CFAP54: variants seen among roughly 807,000 people sequenced by gnomAD.
CFAP54 encodes the protein cilia and flagella associated protein 54.
In CFAP54, 290 loss-of-function variants were observed where a neutral mutation model predicts 370.4. That is an observed-to-expected ratio of 0.78 (90% confidence interval 0.71 to 0.86). The LOEUF is 0.86. Among genes scored for constraint, CFAP54 ranks in the 40% least tolerant of loss-of-function variants. The pLI, the probability that CFAP54 is intolerant of heterozygous loss-of-function variation, is 0.00. For synonymous variants in CFAP54, 1,206 were observed against 1,236.5 expected (o/e 0.98, Z 0.52); for missense variants, 3,399 against 3,528.7 (o/e 0.96, Z 0.93).
At chr12:96,747,894 A>G (rs140068554) in intron 55 of CFAP54, among the ~76,000 whole-genome samples, 1 of 152,248 alleles carries the variant, frequency 6.6e-6, no homozygotes, top group African/African-American at 2.4e-5. Flanking sequence ...CTTACATCTT[A>G]CTTTATCTTT....
At chr12:96,732,385 G>A (rs1008810871) in intron 50 of CFAP54, among the ~76,000 whole-genome samples, 10 of 152,064 alleles carry the variant, frequency 6.6e-5, no homozygotes, top group Admixed American at 3.3e-4. Context: ...ACCCGCCTTG[G>A]CCTCCCAAAG....
At position 96,743,896 on chromosome 12, in the gene CFAP54, A is replaced by C. The variant is rs774605312; in HGVS notation, c.7543A>C (p.Ile2515Leu). Residue 2515 changes from isoleucine to leucine, a missense_variant, in exon 54 of 68, where the codon ATT (isoleucine) becomes CTT (leucine). Physicochemically the swap from Ile to Leu is conservative, Grantham distance 5. This residue lies in a region of CFAP54 where 2,796 missense variants were observed against 2,869.7 expected (regional missense o/e 0.97). Transcript: ENST00000524981. ...AAATTTGTTAACTCGGGCTCATAGC[A>C]TTCTAACTGAACAGGTGAGAATGCT... ...KLNLLTRAHS[I>L]LTEQMLAFGE... 3 of 1,612,614 alleles carry C rather than the reference A, an allele frequency of 1.9e-6. No individual in the cohort carries two copies. In the African/African-American group the frequency reaches 4.0e-5, roughly 22 times the overall value.
chr12:96,660,779 C>T (rs1224399644), intron 38 of CFAP54, among the ~76,000 whole-genome samples: 1 of 152,016 alleles, frequency 6.6e-6, no homozygotes, highest in Non-Finnish European at 1.5e-5. Flanking sequence ...GTTCTGACTT[C>T]CAGTGTTGAT....
In CFAP54 at chr12:96,630,654, A is replaced by G. The variant is rs949636500; in HGVS notation, c.4316+3A>G. The G allele has an allele frequency of 3.4e-6, 5 of 1,450,558 alleles. No homozygotes were observed. In the African/African-American group the frequency reaches 4.3e-5, roughly 13 times the overall value. The allele number at this position is 1,450,558 out of a possible 1,614,324, so 89.9% of individuals were successfully genotyped here. On this transcript the variant is annotated splice_donor_region_variant and intron_variant, in intron 32 of 67. Coordinates refer to ENST00000524981, the MANE Select transcript of CFAP54 (RefSeq NM_001306084.2). ...TCTGAAATGGTGGCACATGAAAGGT[A>G]TTCACTAATTAATTAATTCAATAAA...
At chr12:96,493,494 G>C (rs766065406) in intron 1 of CFAP54, among the ~76,000 whole-genome samples, 2 of 152,152 alleles carry the variant, frequency 1.3e-5, no homozygotes, top group African/African-American at 2.4e-5. Context: ...TCAATTATGT[G>C]TATTTTATGG....
chr12:96,521,829 GA>G (rs1170732043), intron 6 of CFAP54, 27 bp from the exon 7 acceptor site: 12 of 1,411,634 alleles, frequency 8.5e-6, no homozygotes, highest in Non-Finnish European at 1.2e-5. Flanking sequence ...TCTGATTTAT[GA>G]ATTAAATTTA....
In CFAP54 at chr12:96,865,658, A is replaced by G. The variant is rs75460610; in HGVS notation, c.*14+4706A>G. 3.5e-3 allele frequency among the ~76,000 whole-genome samples: 528 copies of G among 152,074 alleles called. 2 individuals carry two copies. Among genetic ancestry groups the G allele is most frequent in the African/African-American group, 0.012 (499 of 41,560 alleles). ...TAGTCTCTACTTCTTTTGCATACAT[A>G]ATGTGTTTCATAAATTAAAAACACA... On this transcript the variant is annotated intron_variant, in intron 67 of 67. Transcript: ENST00000524981.
intron 62 of CFAP54, among the ~76,000 whole-genome samples, chr12:96,791,858 T>C (rs1335708614): frequency 2.6e-5 from 4 of 151,182 alleles, no homozygotes; most frequent in African/African-American, 7.3e-5. Flanking sequence ...TTTCTTTTTT[T>C]TTTTTTTTTG....
chr12:96,602,108 C>T (rs1956248729), intron 26 of CFAP54, among the ~76,000 whole-genome samples: 1 of 152,268 alleles, frequency 6.6e-6, no homozygotes, highest in Non-Finnish European at 1.5e-5. Flanking sequence ...CTATAAATTT[C>T]CCTCTACACA....
At chr12:96,770,634 G>T (rs1414733603) in intron 60 of CFAP54, among the ~76,000 whole-genome samples, 1 of 152,236 alleles carries the variant, frequency 6.6e-6, no homozygotes, top group Non-Finnish European at 1.5e-5. Context: ...AGATTCACAC[G>T]ACAGCAGAAA....
intron 39 of CFAP54, among the ~76,000 whole-genome samples, chr12:96,677,179 TTTTA>T (rs1957220358): frequency 1.7e-5 from 2 of 115,270 alleles, no homozygotes; most frequent in African/African-American, 3.2e-5. Flanking sequence ...ACTTATTTTA[TTTTA>T]TTTTTTTTGT....
At chr12:96,677,187 T>TA (rs200248096) in intron 39 of CFAP54, among the ~76,000 whole-genome samples, 337 of 151,614 alleles carry the variant, frequency 2.2e-3, no homozygotes, top group Non-Finnish European at 3.7e-3. Context: ...TATTTTATTT[T>TA]TTTTGTAGAG....
intron 13 of CFAP54, chr12:96,540,183 A>G (rs1337364458): frequency 6.6e-6 from 1 of 152,188 alleles, no homozygotes; most frequent in Non-Finnish European, 1.5e-5. Flanking sequence ...GCCCACTGCA[A>G]TCCCCACCTC....
chr12:96,663,482 G>C (rs1037384001), intron 38 of CFAP54, among the ~76,000 whole-genome samples: 8 of 54,166 alleles, frequency 1.5e-4, no homozygotes, highest in Non-Finnish European at 6.8e-5. Flanking sequence ...TTATAAGTAG[G>C]GTGGAAAAAT....
At position 96,581,083 on chromosome 12, in the gene CFAP54, C is replaced by T; in HGVS notation, c.3053C>T (p.Thr1018Ile). 6.6e-7 allele frequency: 1 copy of T among 1,511,778 alleles called. No homozygotes were observed. Among genetic ancestry groups the T allele is most frequent in the Non-Finnish European group, 8.8e-7 (1 of 1,136,270 alleles). 93.6% of individuals were successfully genotyped at this position (1,511,778 alleles called of 1,614,324 possible). Residue 1018 changes from threonine to isoleucine, a missense_variant, in exon 22 of 68, where the codon ACT becomes ATT. Transcript: ENST00000524981. ...GTTTATCCCCCTCTTTCTACTATTA[C>T]TGCTCGGATGTTCCTGACACAGGTA... is the stretch of plus-strand genomic sequence containing the variant. ...ILVYPPLSTI[T>I]ARMFLTQVAY...
intron 45 of CFAP54, among the ~76,000 whole-genome samples, chr12:96,696,232 G>A (rs1217084613): frequency 2.0e-5 from 3 of 152,152 alleles, no homozygotes; most frequent in Non-Finnish European, 4.4e-5. Flanking sequence ...AAGATAACAT[G>A]AGTATACCAG....
At chr12:96,822,680 G>A (rs1418811132) in intron 65 of CFAP54, among the ~76,000 whole-genome samples, 1 of 152,160 alleles carries the variant, frequency 6.6e-6, no homozygotes, top group Non-Finnish European at 1.5e-5. Flanking sequence ...TCAGTCTGAT[G>A]TCCCAAACCA....
intron 44 of CFAP54, among the ~76,000 whole-genome samples, chr12:96,692,034 G>T (rs1957393641): frequency 2.1e-5 from 3 of 143,994 alleles, no homozygotes; most frequent in African/African-American, 5.1e-5. Flanking sequence ...CTCCTTTTCT[G>T]CTTTTTTCCC....
chr12:96,665,589 T>C (rs1279421600), intron 39 of CFAP54, among the ~76,000 whole-genome samples: 1 of 152,216 alleles, frequency 6.6e-6, no homozygotes, highest in Admixed American at 6.5e-5. Context: ...TTTTTTCCTA[T>C]TGCTTGTTTT....
Sources: allele counts gnomAD v4.1 joint callset (sites outside exome capture counted in the v4.1 genomes callset), GRCh38; gene constraint gnomAD v4.1.1; regional missense constraint gnomAD v4.1.1; transcripts MANE v1.5; gene names NCBI Gene and HGNC (gene_info 2026-07-23, HGNC 2026-07-21).